BICD1: variants seen among roughly 807,000 people sequenced by gnomAD.
BICD1 encodes BICD cargo adaptor 1, also known as protein bicaudal D homolog 1.
In BICD1, 35 loss-of-function variants were observed where a neutral mutation model predicts 92.5. That is an observed-to-expected ratio of 0.38 (90% confidence interval 0.29 to 0.50). The LOEUF (loss-of-function observed/expected upper bound fraction) is 0.50. Among genes scored for constraint, BICD1 ranks in the 20% least tolerant of loss-of-function variants. BICD1 has a pLI of 0.93. For missense variants in BICD1, 950 were observed against 1,189.8 expected (o/e 0.80, Z 2.97); for synonymous variants, 429 against 465.1 (o/e 0.92, Z 1.00).
chr12:32,354,984 T>G (rs1174264618), intron 8 of BICD1, among the ~76,000 whole-genome samples: 1 of 152,210 alleles, frequency 6.6e-6, no homozygotes. Context: ...GGAGAATGTA[T>G]TTTGATGCTT....
At position 32,379,439 on chromosome 12, in the gene BICD1, G is replaced by C. The variant is rs1056104435; in HGVS notation, c.*1812G>C. 4 of 152,262 alleles carry C rather than the reference G, an allele frequency of 2.6e-5. No homozygotes were observed. The highest frequency in any genetic ancestry group is 9.6e-5 in the African/African-American group (4 of 41,544). 9.4% of individuals were successfully genotyped at this position (152,262 alleles called of 1,614,324 possible). On this transcript the variant is annotated 3_prime_UTR_variant, in exon 10 of 10. Coordinates refer to ENST00000652176, the MANE Select transcript of BICD1 (RefSeq NM_001714.4). ...GAGTTGAAATCTTCACCAAAATAAG[G>C]GTTCAGGTTAAAGTACAGAAACAGA...
intron 2 of BICD1, among the ~76,000 whole-genome samples, chr12:32,246,565 G>A (rs971269387): frequency 6.6e-6 from 1 of 152,100 alleles, no homozygotes; most frequent in Non-Finnish European, 1.5e-5. Flanking sequence ...TTGAGCCTGG[G>A]GGGTTGAGGC....
At chr12:32,207,756 T>C (rs1465566382) in intron 1 of BICD1, among the ~76,000 whole-genome samples, 1 of 152,212 alleles carries the variant, frequency 6.6e-6, no homozygotes, top group Non-Finnish European at 1.5e-5. Flanking sequence ...TTTGCTAATA[T>C]AAACCGTAAG....
chr12:32,186,968 C>T (rs56938130), intron 1 of BICD1, among the ~76,000 whole-genome samples: 10,734 of 152,254 alleles, frequency 0.071, 383 homozygotes, highest in South Asian at 0.11. Context: ...GTTGCCTGCT[C>T]TCTCACTAAC....
intron 1 of BICD1, among the ~76,000 whole-genome samples, chr12:32,204,815 A>G (rs1374734284): frequency 6.6e-6 from 1 of 152,236 alleles, no homozygotes; most frequent in African/African-American, 2.4e-5. Context: ...TTCAAGGGGA[A>G]TGCAGTGATA....
intron 2 of BICD1, among the ~76,000 whole-genome samples, chr12:32,273,623 G>A (rs1592593807): frequency 6.6e-6 from 1 of 152,334 alleles, no homozygotes; most frequent in East Asian, 1.9e-4. Flanking sequence ...ATAATGATCA[G>A]CTAGTAGAGG....
intron 2 of BICD1, among the ~76,000 whole-genome samples, chr12:32,246,091 C>A (rs1280274903): frequency 8.2e-6 from 1 of 121,966 alleles, no homozygotes; most frequent in Non-Finnish European, 1.8e-5. Context: ...AGCAAAAAAA[C>A]CCAAAGGCAT....
chr12:32,298,946 T>G (rs1004761139), intron 3 of BICD1, among the ~76,000 whole-genome samples: 2 of 152,130 alleles, frequency 1.3e-5, no homozygotes, highest in African/African-American at 2.4e-5. Context: ...TTGTTTTATT[T>G]CATTTAACCG....
chr12:32,107,954 C>G (rs1050806372), intron 1 of BICD1: 1 of 497,394 alleles, frequency 2.0e-6, no homozygotes, highest in Admixed American at 3.2e-5. Flanking sequence ...CCCACAATTT[C>G]AGGATTTAGA....
intron 1 of BICD1, among the ~76,000 whole-genome samples, chr12:32,113,972 A>T (rs1383373745): frequency 1.3e-5 from 2 of 151,890 alleles, no homozygotes; most frequent in Non-Finnish European, 2.9e-5. Flanking sequence ...CCCGGGTTCA[A>T]GTGATTCTCC....
In BICD1 at chr12:32,181,121, A is replaced by T. The variant is rs553428164; in HGVS notation, c.214-35126A>T. Among the ~76,000 whole-genome samples, 35 of 151,874 alleles carry T rather than the reference A, an allele frequency of 2.3e-4. 2 individuals carry two copies. The highest frequency in any genetic ancestry group is 5.2e-4 in the Non-Finnish European group (35 of 67,940). On this transcript the variant is annotated intron_variant, in intron 1 of 9. Transcript: ENST00000652176. Reference sequence around the variant, plus strand: ...ATACAAATACTAAAGAGGTGCTTATAAAAAAATTACACTTTTGGCCGGGCA... The same window carrying T: ...ATACAAATACTAAAGAGGTGCTTATTAAAAAATTACACTTTTGGCCGGGCA...
chr12:32,171,467 C>T (rs1592412046), intron 1 of BICD1, among the ~76,000 whole-genome samples: 1 of 152,320 alleles, frequency 6.6e-6, no homozygotes, highest in East Asian at 1.9e-4. Flanking sequence ...GCTTTCCTTT[C>T]CTTATCACTT....
chr12:32,346,588 A>ATG (rs1938610509), intron 8 of BICD1, among the ~76,000 whole-genome samples: 1 of 4,086 alleles, frequency 2.4e-4, no homozygotes, highest in African/African-American at 1.4e-3. Flanking sequence ...ATATACGTGT[A>ATG]TATATATATA....
At chr12:32,309,242 G>A (rs1448870403) in intron 4 of BICD1, among the ~76,000 whole-genome samples, 1 of 152,068 alleles carries the variant, frequency 6.6e-6, no homozygotes, top group Admixed American at 6.6e-5. Flanking sequence ...AAATAATATG[G>A]CAAGTCTGAT....
intron 4 of BICD1, among the ~76,000 whole-genome samples, chr12:32,319,205 T>C (rs1372119466): frequency 1.3e-5 from 2 of 152,218 alleles, no homozygotes; most frequent in Admixed American, 6.5e-5. Flanking sequence ...AGAGCAGCCA[T>C]CCTTGTTTTG....
chr12:32,296,987 T>C (rs61929079), intron 3 of BICD1, among the ~76,000 whole-genome samples: 2,262 of 152,282 alleles, frequency 0.015, 39 homozygotes, highest in Non-Finnish European at 0.022. Context: ...ATTTCCAACA[T>C]GCCATATGCT....
intron 1 of BICD1, among the ~76,000 whole-genome samples, chr12:32,191,177 AAAG>A (rs1468615213): frequency 6.6e-6 from 1 of 152,182 alleles, no homozygotes; most frequent in Non-Finnish European, 1.5e-5. Flanking sequence ...GGAACTAGAA[AAAG>A]AAGAACAAAC....
intron 1 of BICD1, among the ~76,000 whole-genome samples, chr12:32,167,221 C>T (rs1157654128): frequency 6.6e-6 from 1 of 152,114 alleles, no homozygotes; most frequent in Non-Finnish European, 1.5e-5. Context: ...TATTACCTAA[C>T]TCATGAGTGT....
chr12:32,217,409 G>A lies in BICD1; in HGVS notation c.426+950G>A, dbSNP rs149158744. Among the ~76,000 whole-genome samples the A allele has an allele frequency of 4.7e-3, 713 of 152,186 alleles. 4 individuals are homozygous for A. The highest frequency in any genetic ancestry group is 0.016 in the African/African-American group (681 of 41,520). ...AAATAAGTGACATATTACAAATAGG[G>A]CTTCACTATTATAAGATATAAGTTG... On this transcript the variant is annotated intron_variant, in intron 2 of 9. Coordinates refer to ENST00000652176, the MANE Select transcript of BICD1 (RefSeq NM_001714.4).
Sources: allele counts gnomAD v4.1 joint callset (sites outside exome capture counted in the v4.1 genomes callset), GRCh38; gene constraint gnomAD v4.1.1; transcripts MANE v1.5; gene names NCBI Gene and HGNC (gene_info 2026-07-23, HGNC 2026-07-21).